CEP128: variants seen among roughly 807,000 people sequenced by gnomAD.
CEP128 encodes centrosomal protein 128kDa.
A neutral mutation model predicts 156.7 loss-of-function variants in CEP128; 132 were observed. The observed-to-expected ratio is 0.84, with a 90% CI of 0.73 to 0.97. CEP128 has a LOEUF of 0.97. Ranked by LOEUF, CEP128 falls within the 50% of genes least tolerant of loss-of-function variation. CEP128 has a pLI of 0.00. For missense variants in CEP128, 1,252 were observed against 1,281.9 expected (o/e 0.98, Z 0.36); for synonymous variants, 469 against 448.9 (o/e 1.04, Z -0.57).
At chr14:80,887,324 C>T (rs1425877653) in intron 8 of CEP128, among the ~76,000 whole-genome samples, 1 of 152,184 alleles carries the variant, frequency 6.6e-6, no homozygotes, top group African/African-American at 2.4e-5. Flanking sequence ...ACAGAATATA[C>T]ATTCTTCTTA....
At chr14:80,580,445 C>A (rs1479089381) in intron 19 of CEP128, 22 bp from the exon 20 acceptor site, 1 of 1,501,734 alleles carries the variant, frequency 6.7e-7, no homozygotes, top group Admixed American at 1.7e-5. Flanking sequence ...AAGTAAAATA[C>A]CCATCAAAAT....
chr14:80,919,545 C>A (rs1022781523), intron 2 of CEP128, among the ~76,000 whole-genome samples: 1 of 152,128 alleles, frequency 6.6e-6, no homozygotes, highest in Admixed American at 6.5e-5. Context: ...TCATGTATAA[C>A]TCTCCAGGCT....
At chr14:80,942,538 C>CGAA (rs1256555374), upstream of CEP128, among the ~76,000 whole-genome samples, 1 of 152,130 alleles carries the variant, frequency 6.6e-6, no homozygotes, top group Non-Finnish European at 1.5e-5. Context: ...GACCACTTCC[C>CGAA]CTTCCTTCTT....
At chr14:80,598,825 AT>A (rs1445622423) in intron 19 of CEP128, among the ~76,000 whole-genome samples, 1 of 152,212 alleles carries the variant, frequency 6.6e-6, no homozygotes, top group African/African-American at 2.4e-5. Flanking sequence ...GAAAATCCAA[AT>A]TATAGAAATG....
At chr14:80,868,524 T>C (rs1887879682) in intron 8 of CEP128, among the ~76,000 whole-genome samples, 3 of 151,578 alleles carry the variant, frequency 2.0e-5, no homozygotes, top group Admixed American at 2.0e-4. Context: ...GAGAAAGCAG[T>C]CAAAGCATAC....
intron 19 of CEP128, among the ~76,000 whole-genome samples, chr14:80,679,285 G>T (rs910033744): frequency 6.6e-6 from 1 of 152,208 alleles, no homozygotes; most frequent in Non-Finnish European, 1.5e-5. Flanking sequence ...GGGTCAGGCA[G>T]AATAGAGCCA....
chr14:80,886,327 G>A (rs949168524), intron 8 of CEP128, among the ~76,000 whole-genome samples: 1 of 152,062 alleles, frequency 6.6e-6, no homozygotes, highest in Non-Finnish European at 1.5e-5. Flanking sequence ...ACACAAAATT[G>A]TCAGATTCTC....
intron 19 of CEP128, among the ~76,000 whole-genome samples, chr14:80,739,904 A>C (rs191583373): frequency 6.6e-6 from 1 of 152,206 alleles, no homozygotes; most frequent in Admixed American, 6.6e-5. Context: ...TATGTAAACC[A>C]CTCTAATTAA....
At chr14:80,616,713 T>C (rs969156644) in intron 19 of CEP128, among the ~76,000 whole-genome samples, 3 of 152,218 alleles carry the variant, frequency 2.0e-5, no homozygotes, top group Admixed American at 2.0e-4. Flanking sequence ...CAGAAAGTAC[T>C]ATACGGAGTC....
intron 20 of CEP128, among the ~76,000 whole-genome samples, chr14:80,559,707 C>A (rs932365838): frequency 1.3e-5 from 2 of 152,052 alleles, no homozygotes; most frequent in Non-Finnish European, 2.9e-5. Flanking sequence ...AGGTTTACAG[C>A]GAAAAATGTG....
intron 16 of CEP128, among the ~76,000 whole-genome samples, chr14:80,770,544 G>A (rs945125798): frequency 3.3e-5 from 5 of 152,044 alleles, no homozygotes; most frequent in Admixed American, 6.5e-5. Context: ...GGGCTTAATG[G>A]TTACATGTGA....
intron 21 of CEP128, among the ~76,000 whole-genome samples, chr14:80,552,690 T>G (rs998632403): frequency 1.3e-5 from 2 of 152,216 alleles, no homozygotes; most frequent in Non-Finnish European, 2.9e-5. Flanking sequence ...TCTCACATGT[T>G]TCTTTTTCAA....
At position 80,767,858 on chromosome 14, in the gene CEP128, T is replaced by C. The variant is rs570585529; in HGVS notation, c.2377-6245A>G. On this transcript the variant is annotated intron_variant, in intron 16 of 24. Coordinates refer to ENST00000555265, the MANE Select transcript of CEP128 (RefSeq NM_152446.5). ...TAGGTATGACAGGCTTTGCAATCTA[T>C]AACCTCTAAAATTTAAATTTCTGCT... is the stretch of plus-strand genomic sequence containing the variant. Among the ~76,000 whole-genome samples the C allele has an allele frequency of 9.2e-5, 14 of 152,260 alleles. No homozygotes were observed. The East Asian group carries it at 2.3e-3, about 25-fold the overall frequency.
rs538397139 is a variant in CEP128, at chr14:80,508,033, G to A, written c.3073-3013C>T. Among the ~76,000 whole-genome samples, 3 of 152,270 alleles carry A rather than the reference G, an allele frequency of 2.0e-5. No homozygotes were observed. In the East Asian group the frequency reaches 5.8e-4, roughly 29 times the overall value. On this transcript the variant is annotated intron_variant, in intron 23 of 24. Coordinates refer to ENST00000555265, the MANE Select transcript of CEP128 (RefSeq NM_152446.5). ...AGGTTCAAGCGATCCTCCTGCCTCA[G>A]CCCCCGCTAGTAGCTGGGATTACAG...
At chr14:80,805,576 T>G (rs539151166) in intron 13 of CEP128, among the ~76,000 whole-genome samples, 20 of 152,352 alleles carry the variant, frequency 1.3e-4, no homozygotes, top group Non-Finnish European at 2.2e-4. Context: ...TAATGGAGTT[T>G]CACCTGAAAT....
chr14:80,663,141 G>A (rs146293127), intron 19 of CEP128, among the ~76,000 whole-genome samples: 4 of 152,212 alleles, frequency 2.6e-5, no homozygotes, highest in African/African-American at 4.8e-5. Flanking sequence ...TACAGGCCCC[G>A]GGCTGAGAGA....
intron 19 of CEP128, among the ~76,000 whole-genome samples, chr14:80,652,012 G>T (rs1238382157): frequency 2.0e-5 from 3 of 152,056 alleles, no homozygotes; most frequent in Non-Finnish European, 1.5e-5. Flanking sequence ...TGACAGTGGG[G>T]TGTTAAAGTC....
At chr14:80,576,159 T>C (rs1891344896) in intron 20 of CEP128, among the ~76,000 whole-genome samples, 1 of 152,102 alleles carries the variant, frequency 6.6e-6, no homozygotes, top group Non-Finnish European at 1.5e-5. Flanking sequence ...CAGCAACACC[T>C]ACCGCTATTA....
intron 2 of CEP128, among the ~76,000 whole-genome samples, chr14:80,930,208 C>T (rs575891526): frequency 1.3e-5 from 2 of 152,302 alleles, no homozygotes; most frequent in African/African-American, 2.4e-5. Flanking sequence ...GGTTTGACTG[C>T]CCAGAGACCG....
Sources: allele counts gnomAD v4.1 joint callset (sites outside exome capture counted in the v4.1 genomes callset), GRCh38; gene constraint gnomAD v4.1.1; transcripts MANE v1.5; gene names NCBI Gene and HGNC (gene_info 2026-07-23, HGNC 2026-07-21).